The following SBNO2 variants were observed in gnomAD, a reference collection of about 807,000 sequenced individuals.
SBNO2 encodes the protein strawberry notch homolog 2, also known as protein strawberry notch homolog 2.
Under a neutral mutation model 146.3 loss-of-function variants are expected in SBNO2, and 89 were observed. The ratio of observed to expected loss-of-function variants is 0.61; its 90% confidence interval spans 0.51 to 0.73. The LOEUF (loss-of-function observed/expected upper bound fraction) is 0.73, where lower values mean the gene tolerates loss of function less well. Ranked by LOEUF, SBNO2 falls within the 30% of genes least tolerant of loss-of-function variation. The pLI is 0.00. For synonymous variants in SBNO2, 1,147 were observed against 892.6 expected (o/e 1.29, Z -5.08); for missense variants, 2,092 against 2,003.7 (o/e 1.04, Z -0.84).
At chr19:1,163,322 C>T (rs755332572) in intron 1 of SBNO2, among the ~76,000 whole-genome samples, 11 of 152,194 alleles carry the variant, frequency 7.2e-5, no homozygotes, top group Non-Finnish European at 1.0e-4. Context: ...TGGAGTGACG[C>T]GGCCGCAGAC....
intron 1 of SBNO2, chr19:1,155,211 G>A (rs1377039514): frequency 1.3e-5 from 2 of 152,292 alleles, no homozygotes; most frequent in African/African-American, 4.8e-5. Context: ...CCAAGCCCTG[G>A]AGTGAAGAAA....
intron 1 of SBNO2, among the ~76,000 whole-genome samples, chr19:1,165,122 T>C (rs2080400079): frequency 1.3e-5 from 2 of 152,192 alleles, no homozygotes; most frequent in African/African-American, 4.8e-5. Flanking sequence ...CAGCAACCCC[T>C]GCGCAGCAGC....
rs1397334871 is a variant in SBNO2 at position 1,144,711 on chromosome 19, GAC to G, written c.279+2596_279+2597del. Among the ~76,000 whole-genome samples the G allele has an allele frequency of 1.3e-5, 2 of 151,614 alleles. No individual in the cohort carries two copies. The highest frequency in any genetic ancestry group is 1.3e-4 in the Admixed American group (2 of 15,228). ...GGCGACAGAGACAGAGAGGGAAACA[GAC>G]ACAGAGGCAGAGAGGGAGACAAAGA... On this transcript the variant is annotated intron_variant, in intron 4 of 31. Coordinates refer to ENST00000361757, the MANE Select transcript of SBNO2 (RefSeq NM_014963.3). This position sits in a 1 kb window ranked among gnomAD's most constrained non-coding sequence, Gnocchi z 4.1.
rs2079717451 is a variant in SBNO2 at position 1,109,099 on chromosome 19, C to G, written c.3425+36G>C. 1 of 1,544,598 alleles carries G rather than the reference C, an allele frequency of 6.5e-7. No individual in the cohort carries two copies. The highest frequency in any genetic ancestry group is 2.0e-5 in the Admixed American group (1 of 50,742). On this transcript the variant is annotated intron_variant, in intron 30 of 31. Transcript: ENST00000361757. The surrounding 1 kb of genome is among the most constrained non-coding windows in gnomAD (Gnocchi z 4.2). ...CGATCCCCGCCTGGGTCGCCGCCATCTGCCGGTTTCCCCCTGGTCCCCGGC... is the reference window on the plus strand; with the variant it reads ...CGATCCCCGCCTGGGTCGCCGCCATGTGCCGGTTTCCCCCTGGTCCCCGGC...
chr19:1,127,882 G>A (rs2079984895), intron 4 of SBNO2, 117 bp from the exon 5 acceptor site: 2 of 933,148 alleles, frequency 2.1e-6, no homozygotes, highest in African/African-American at 3.3e-5. Context: ...GAGCATGTGG[G>A]AATGGGAGAC....
At chr19:1,154,487 G>A (rs530646566) in intron 1 of SBNO2, 85 bp from the exon 2 acceptor site, 35 of 381,226 alleles carry the variant, frequency 9.2e-5, no homozygotes, top group African/African-American at 5.4e-4. Context: ...GGGCATGACC[G>A]GTCCCAGCCT....
chr19:1,125,661 G>A (rs571268307), intron 5 of SBNO2, among the ~76,000 whole-genome samples: 1 of 145,988 alleles, frequency 6.8e-6, no homozygotes, highest in Non-Finnish European at 1.5e-5. Flanking sequence ...CGACAAGAGC[G>A]AGAGACTCTG....
rs950297020 is a variant in SBNO2, at chr19:1,119,371, C to G, written c.1373+145G>C. 121 of 855,836 alleles carry G rather than the reference C, an allele frequency of 1.4e-4. No individual in the cohort carries two copies. The African/African-American group carries it at 2.0e-3, about 14-fold the overall frequency. The allele number at this position is 855,836 out of a possible 1,614,324, so 53.0% of individuals were successfully genotyped here. A position where few individuals can be genotyped will look rare whatever the true frequency, so the allele number is the denominator to read the frequency against. ...GGCTTCCCTGGGAGTGCTGGGCAGC[C>G]CGAGGCAGTGAAACGAGCGACCCAC... On this transcript the variant is annotated intron_variant, in intron 13 of 31. Coordinates refer to ENST00000361757, the MANE Select transcript of SBNO2 (RefSeq NM_014963.3).
chr19:1,114,058 C>G (rs1599827550), intron 18 of SBNO2, among the ~76,000 whole-genome samples, 173 bp downstream of exon 18: 1 of 152,330 alleles, frequency 6.6e-6, no homozygotes, highest in East Asian at 1.9e-4. Context: ...AAGTGGGCAC[C>G]ATAGCAGCAG....
intron 7 of SBNO2, among the ~76,000 whole-genome samples, chr19:1,123,260 T>G (rs2079926431): frequency 6.6e-6 from 1 of 151,154 alleles, no homozygotes; most frequent in Non-Finnish European, 1.5e-5. Flanking sequence ...GGCCGCGGCC[T>G]GCTGGGTTGG....
At position 1,109,217 on chromosome 19, in the gene SBNO2, G is replaced by A. The variant is rs778648591; in HGVS notation, c.3349-6C>T. ...TTGGCCTCCTCCGCGGTGACCTAGG[G>A]ACACAGGGCCGCATGAGCCTGGGCG... On this transcript the variant is annotated splice_region_variant and splice_polypyrimidine_tract_variant and intron_variant, in intron 29 of 31. Coordinates refer to ENST00000361757, the MANE Select transcript of SBNO2 (RefSeq NM_014963.3). This position sits in a 1 kb window ranked among gnomAD's most constrained non-coding sequence, Gnocchi z 4.2. The A allele has an allele frequency of 8.9e-6, 14 of 1,569,102 alleles. No individual in the cohort carries two copies. In the East Asian group the frequency reaches 2.1e-4, roughly 24 times the overall value.
At chr19:1,120,202 G>C in intron 11 of SBNO2, 179 bp from the exon 12 acceptor site, 2 of 596,816 alleles carry the variant, frequency 3.4e-6, no homozygotes, top group Non-Finnish European at 6.0e-6. Context: ...CGGGCGGGCA[G>C]GCGGCCCCCA....
chr19:1,111,408 C>T, intron 24 of SBNO2, 98 bp downstream of exon 24: 2 of 876,828 alleles, frequency 2.3e-6, no homozygotes, highest in Admixed American at 2.1e-5. Context: ...TCACTCAACA[C>T]ACAACCGGCC....
intron 4 of SBNO2, among the ~76,000 whole-genome samples, chr19:1,130,619 C>G (rs1422390201): frequency 6.6e-6 from 1 of 152,066 alleles, no homozygotes; most frequent in Non-Finnish European, 1.5e-5. Context: ...CAGCAAGACT[C>G]CATGTCTACA....
intron 1 of SBNO2, among the ~76,000 whole-genome samples, chr19:1,171,072 C>A (rs1306960879): frequency 6.6e-6 from 1 of 151,422 alleles, no homozygotes; most frequent in Non-Finnish European, 1.5e-5. Flanking sequence ...CAGGCACACA[C>A]ACAACACAAA....
intron 1 of SBNO2, among the ~76,000 whole-genome samples, chr19:1,156,867 C>T (rs2080294216): frequency 6.6e-6 from 1 of 152,066 alleles, no homozygotes; most frequent in East Asian, 1.9e-4. Context: ...CCAAGTCCCC[C>T]CACAACCCAA....
rs2080397224 is a variant in SBNO2, at chr19:1,164,931, CACAGGAGGAGGAGGAGGAGGA to C, written c.-127+9220_-127+9240del. On this transcript the variant is annotated intron_variant, in intron 1 of 31. Transcript: ENST00000361757. The stretch of plus-strand genomic sequence containing the variant: ...GAGGCACAGGAGGAGGAGGAGGAGG[CACAGGAGGAGGAGGAGGAGGA>C]ACAGGAGGAGGAGGAGGAACAGGAG... 1.4e-3 allele frequency among the ~76,000 whole-genome samples: 6 copies of C among 4,346 alleles called. No individual in the cohort carries two copies. The South Asian group carries it at 0.049, about 36-fold the overall frequency. The allele number at this position is 4,346 out of a possible 152,430, so 2.9% of individuals were successfully genotyped here.
At chr19:1,113,042 G>T in intron 19 of SBNO2, 93 bp from the exon 20 acceptor site, 1 of 1,420,318 alleles carries the variant, frequency 7.0e-7, no homozygotes, top group Admixed American at 2.2e-5. Flanking sequence ...GTCCTACAGT[G>T]GTCATGGGCT....
rs1233680573 is a variant in SBNO2 at position 1,113,517 on chromosome 19, C to CT, written c.2247+17dup. The stretch of plus-strand genomic sequence containing the variant: ...CCATGCCCCGCCCACCACACTCCAG[C>CT]TGCCACGTCCCACCCACCTCCGCCA... On this transcript the variant is annotated intron_variant, in intron 19 of 31. Transcript: ENST00000361757. The CT allele has an allele frequency of 6.3e-7, 1 of 1,583,116 alleles. No homozygotes were observed.
Sources: allele counts gnomAD v4.1 joint callset (sites outside exome capture counted in the v4.1 genomes callset), GRCh38; gene constraint gnomAD v4.1.1; non-coding constraint Gnocchi (gnomAD v3.1); transcripts MANE v1.5; gene names NCBI Gene and HGNC (gene_info 2026-07-23, HGNC 2026-07-21).